Variants in SOBP observed in about 807,000 individuals in gnomAD.
The protein encoded by SOBP is sine oculis binding protein homolog.
In SOBP, 4 loss-of-function variants were observed where a neutral mutation model predicts 53.6. That is an observed-to-expected ratio of 0.07 (90% CI 0.04 to 0.17). SOBP has a LOEUF of 0.17. Among genes scored for constraint, SOBP ranks in the 10% least tolerant of loss-of-function variants. The pLI, the probability that SOBP is intolerant of heterozygous loss-of-function variation, is 1.00. For missense variants in SOBP, 1,088 were observed against 1,204.7 expected (o/e 0.90, Z 1.43); for synonymous variants, 584 against 522.6 (o/e 1.12, Z -1.60).
chr6:107,638,840 C>T (rs1003023413), intron 6 of SOBP, among the ~76,000 whole-genome samples: 1 of 151,808 alleles, frequency 6.6e-6, no homozygotes, highest in African/African-American at 2.4e-5. Context: ...TCAGTCAGCT[C>T]TTCATTCTTC....
intron 3 of SOBP, among the ~76,000 whole-genome samples, chr6:107,522,060 A>G (rs77948734): frequency 0.019 from 2,925 of 152,154 alleles, 46 homozygotes; most frequent in East Asian, 0.055. Context: ...TTAAGATAAG[A>G]TACAAAGGAC....
rs577642128 is a variant in SOBP, at chr6:107,552,612, A to G, written c.573+19002A>G. ...TGTTCAGCCTGGTCTTCTCCATTCC[A>G]GTCAAATGAGATGAATTCCAGGCCT... On this transcript the variant is annotated intron_variant, in intron 4 of 6. Transcript: ENST00000317357. Among the ~76,000 whole-genome samples, 50 of 152,342 alleles carry G rather than the reference A, an allele frequency of 3.3e-4. No homozygotes were observed. The South Asian group carries it at 0.01, about 32-fold the overall frequency.
intron 4 of SOBP, among the ~76,000 whole-genome samples, chr6:107,570,922 T>C (rs1262679345): frequency 6.6e-6 from 1 of 152,250 alleles, no homozygotes; most frequent in African/African-American, 2.4e-5. Context: ...GCAATTTTTG[T>C]GCTTACGGTT....
chr6:107,630,463 G>C (rs956299437), intron 5 of SOBP, among the ~76,000 whole-genome samples: 1 of 152,156 alleles, frequency 6.6e-6, no homozygotes, highest in South Asian at 2.1e-4. Flanking sequence ...AGGCTCTTAT[G>C]ATGAAATCTT....
At chr6:107,576,881 G>A (rs1023466207) in intron 4 of SOBP, among the ~76,000 whole-genome samples, 3 of 152,184 alleles carry the variant, frequency 2.0e-5, no homozygotes, top group African/African-American at 7.2e-5. Context: ...ATTCATCTGA[G>A]TGCTGAGCTC....
intron 1 of SOBP, among the ~76,000 whole-genome samples, chr6:107,501,555 G>A (rs1235375589): frequency 6.6e-6 from 1 of 152,200 alleles, no homozygotes; most frequent in Admixed American, 6.5e-5. Flanking sequence ...CAGACCAATA[G>A]GATGGCTTGC....
intron 4 of SOBP, among the ~76,000 whole-genome samples, chr6:107,534,450 T>C (rs1170472250): frequency 6.6e-6 from 1 of 152,234 alleles, no homozygotes; most frequent in African/African-American, 2.4e-5. Flanking sequence ...TAAAGCTTCC[T>C]TAATTCATAA....
At chr6:107,514,934 T>G (rs1036604013) in intron 3 of SOBP, 8 of 152,226 alleles carry the variant, frequency 5.3e-5, no homozygotes, top group African/African-American at 1.9e-4. Flanking sequence ...TTTATACTGC[T>G]TGGGACAAGT....
At chr6:107,495,459 G>T (rs1427358083) in intron 1 of SOBP, among the ~76,000 whole-genome samples, 1 of 152,074 alleles carries the variant, frequency 6.6e-6, no homozygotes, top group African/African-American at 2.4e-5. Context: ...TATACAACTC[G>T]CAGATTCCAG....
intron 4 of SOBP, among the ~76,000 whole-genome samples, chr6:107,578,006 G>A (rs1195145528): frequency 7.3e-5 from 11 of 149,894 alleles, no homozygotes; most frequent in African/African-American, 7.4e-5. Flanking sequence ...CCGGGGAGGC[G>A]AAGCTTGCAG....
intron 4 of SOBP, among the ~76,000 whole-genome samples, chr6:107,570,704 C>A (rs1253628477): frequency 6.6e-6 from 1 of 152,224 alleles, no homozygotes; most frequent in African/African-American, 2.4e-5. Context: ...AGGGCTTTTC[C>A]ACCCACGGGC....
At chr6:107,601,120 C>T (rs1786163623) in intron 5 of SOBP, among the ~76,000 whole-genome samples, 1 of 152,152 alleles carries the variant, frequency 6.6e-6, no homozygotes, top group Non-Finnish European at 1.5e-5. Context: ...TCTCCTATGT[C>T]TAGGGAGTTG....
In SOBP at chr6:107,635,081, C is replaced by A. The variant is rs1393469604; in HGVS notation, c.2237C>A (p.Pro746Gln). The change falls in exon 6 of 7, where the codon CCG becomes CAG. Residue 746 changes from proline (P) to glutamine (Q), a missense_variant. Physicochemically the swap from Pro to Gln is moderately conservative, Grantham distance 76 (BLOSUM62 -1). Around this residue, in one of 6 missense-constraint regions of SOBP, gnomAD observed 665 missense variants for 629.7 expected, o/e 1.06. Transcript: ENST00000317357. The surrounding 1 kb of genome is among the most constrained non-coding windows in gnomAD (Gnocchi z 4.5). ...GCGGAGCCGCCTCCCGAGCAGCCGC[C>A]GCCGCCGCCGCCGCCCGCGCCCCCC... ...KSAEPPPEQP[P>Q]PPPPPAPPKK... The A allele has an allele frequency of 2.5e-6, 4 of 1,570,832 alleles. No individual in the cohort carries two copies. In the East Asian group the frequency reaches 9.4e-5, roughly 37 times the overall value.
intron 4 of SOBP, among the ~76,000 whole-genome samples, chr6:107,545,322 G>C (rs532081084): frequency 6.6e-6 from 1 of 152,302 alleles, no homozygotes; most frequent in African/African-American, 2.4e-5. Context: ...TTTGGGTAAT[G>C]ATGAATTCCA....
chr6:107,647,201 A>G (rs577018336), intron 6 of SOBP, among the ~76,000 whole-genome samples: 1 of 152,336 alleles, frequency 6.6e-6, no homozygotes, highest in South Asian at 2.1e-4. Flanking sequence ...ACATGTAGGC[A>G]GTGTTTAAAT....
intron 6 of SOBP, among the ~76,000 whole-genome samples, chr6:107,653,559 G>T (rs1347660079): frequency 2.0e-5 from 3 of 152,196 alleles, no homozygotes; most frequent in Non-Finnish European, 4.4e-5. Context: ...ATGCCACAGG[G>T]TTTTAGACTC....
chr6:107,602,225 G>A lies in SOBP; in HGVS notation c.669+15050G>A, dbSNP rs144253271. ...AAGTAAAAATGGAAGAAAAAGATTT[G>A]ATCTGCAATTATAAGTAATCTGCCT... On this transcript the variant is annotated intron_variant, in intron 5 of 6. Coordinates refer to ENST00000317357, the MANE Select transcript of SOBP (RefSeq NM_018013.4). Among the ~76,000 whole-genome samples the A allele has an allele frequency of 3.3e-3, 505 of 152,312 alleles. 2 individuals are homozygous for A. The highest frequency in any genetic ancestry group is 0.012 in the African/African-American group (492 of 41,576).
At chr6:107,631,685 T>G (rs1229214952) in intron 5 of SOBP, among the ~76,000 whole-genome samples, 1 of 152,194 alleles carries the variant, frequency 6.6e-6, no homozygotes, top group Non-Finnish European at 1.5e-5. Context: ...TGAAATTTTT[T>G]TTTACCACTT....
chr6:107,562,372 C>A (rs1784796925), intron 4 of SOBP, among the ~76,000 whole-genome samples: 1 of 152,080 alleles, frequency 6.6e-6, no homozygotes, highest in South Asian at 2.1e-4. Flanking sequence ...TAAAAGGAAG[C>A]CTTTTGGAGG....
Sources: allele counts gnomAD v4.1 joint callset (sites outside exome capture counted in the v4.1 genomes callset), GRCh38; gene constraint gnomAD v4.1.1; regional missense constraint gnomAD v4.1.1; non-coding constraint Gnocchi (gnomAD v3.1); transcripts MANE v1.5; gene names NCBI Gene and HGNC (gene_info 2026-07-23, HGNC 2026-07-21).